Variants in DNAAF10 observed in about 807,000 individuals in gnomAD.
DNAAF10 encodes dynein axonemal assembly factor 10.
A neutral mutation model predicts 43.7 loss-of-function variants in DNAAF10; 28 were observed. The ratio of observed to expected loss-of-function variants is 0.64; its 90% CI spans 0.48 to 0.88. The LOEUF (loss-of-function observed/expected upper bound fraction) is 0.88, where lower values mean the gene tolerates loss of function less well. DNAAF10 is among the 40% of genes least tolerant of loss of function. The pLI, the probability that DNAAF10 is intolerant of heterozygous loss-of-function variation, is 0.00. For missense variants in DNAAF10, 403 were observed against 439.1 expected, an observed-to-expected ratio of 0.92 and a Z score of 0.73; for synonymous variants, 156 against 157.3, an observed-to-expected ratio of 0.99 and a Z score of 0.06.
rs568494091 is a variant in DNAAF10, at chr2:68,151,868, T to C, written c.184-4301A>G. On this transcript the variant is annotated intron_variant, in intron 1 of 7. Coordinates refer to ENST00000295121, the MANE Select transcript of DNAAF10 (RefSeq NM_138458.4). ...ATCCCTTTTCTAATATATACAACAC[T>C]GCAAACTAAGTGTTCAGAACACCAC... 2.0e-5 allele frequency among the ~76,000 whole-genome samples: 3 copies of C among 152,310 alleles called. No individual in the cohort carries two copies. The South Asian group carries it at 6.2e-4, about 32-fold the overall frequency.
intron 4 of DNAAF10, among the ~76,000 whole-genome samples, chr2:68,141,414 A>G (rs531408701): frequency 7.2e-5 from 11 of 152,352 alleles, no homozygotes; most frequent in African/African-American, 2.6e-4. Flanking sequence ...TCATGACAAC[A>G]CAACTAAGTA....
chr2:68,137,441 C>A lies in DNAAF10; in HGVS notation c.634-8G>T. 6.2e-7 allele frequency: 1 copy of A among 1,605,040 alleles called. No homozygotes were observed. The highest frequency in any genetic ancestry group is 1.1e-5 in the South Asian group (1 of 89,440). On this transcript the variant is annotated splice_region_variant and splice_polypyrimidine_tract_variant and intron_variant, in intron 5 of 7. Coordinates refer to ENST00000295121, the MANE Select transcript of DNAAF10 (RefSeq NM_138458.4). ...AAACTCCAAGCTACACACCTGAAAA[C>A]AGAGAATACTTATTATTGGTAGTCT...
At chr2:68,138,147 C>A (rs1033784686) in intron 5 of DNAAF10, among the ~76,000 whole-genome samples, 14 of 152,118 alleles carry the variant, frequency 9.2e-5, no homozygotes, top group Non-Finnish European at 1.8e-4. Context: ...TGCACTCCAG[C>A]CTGGGCGACA....
At chr2:68,147,750 C>T (rs556248610) in intron 1 of DNAAF10, among the ~76,000 whole-genome samples, 183 bp from the exon 2 acceptor site, 35 of 152,214 alleles carry the variant, frequency 2.3e-4, no homozygotes, top group African/African-American at 8.2e-4. Flanking sequence ...AAATATGTAA[C>T]TGTCAAAAAG....
At chr2:68,156,806 T>C (rs1464861429) in intron 1 of DNAAF10, 1 of 179,094 alleles carries the variant, frequency 5.6e-6, no homozygotes, top group Non-Finnish European at 1.2e-5. Context: ...CATTGAACCG[T>C]AACCGTGTTC....
chr2:68,153,542 C>A (rs970876147), intron 1 of DNAAF10, among the ~76,000 whole-genome samples: 1 of 151,772 alleles, frequency 6.6e-6, no homozygotes, highest in Admixed American at 6.6e-5. Flanking sequence ...AAACCTTACT[C>A]CAGATGCAAC....
intron 6 of DNAAF10, 115 bp from the exon 7 acceptor site, chr2:68,134,914 A>G: frequency 8.4e-7 from 1 of 1,196,518 alleles, no homozygotes; most frequent in Admixed American, 2.5e-5. Context: ...AAAAGTAATT[A>G]AGGTTATTTT....
intron 2 of DNAAF10, among the ~76,000 whole-genome samples, chr2:68,145,594 CACTGAAGTCCA>C (rs1673298027): frequency 6.6e-6 from 1 of 152,126 alleles, no homozygotes; most frequent in African/African-American, 2.4e-5. Flanking sequence ...ACTATTTTCC[CACTGAAGTCCA>C]CACTGATTTT....
intron 1 of DNAAF10, among the ~76,000 whole-genome samples, chr2:68,155,925 C>T (rs1021488609): frequency 6.6e-6 from 1 of 151,782 alleles, no homozygotes. Flanking sequence ...GGTGAAACCC[C>T]ATCTCTACCA....
chr2:68,139,803 CAA>C (rs769593748), intron 4 of DNAAF10, among the ~76,000 whole-genome samples: 10 of 118,290 alleles, frequency 8.5e-5, no homozygotes, highest in Admixed American at 1.8e-4. Flanking sequence ...GACTCTGTCT[CAA>C]AAAAAAAAAA....
rs778146161 is a variant in DNAAF10 at position 68,131,320 on chromosome 2, G to A, written c.992C>T (p.Pro331Leu). 1 of 1,614,050 alleles carries A rather than the reference G, an allele frequency of 6.2e-7. No homozygotes were observed. Among genetic ancestry groups the A allele is most frequent in the Non-Finnish European group, 8.5e-7 (1 of 1,180,020 alleles). The change falls in exon 8 of 8, where the codon CCA (proline) becomes CTA (leucine). Residue 331 changes from proline to leucine, a missense_variant. Physicochemically the swap from Pro to Leu is moderately conservative, Grantham distance 98. Coordinates refer to ENST00000295121, the MANE Select transcript of DNAAF10 (RefSeq NM_138458.4). ...TQPISSLDWS[P>L]DKRGLCVCSS... ...ACAGACGCAGAGACCCCTTTTATCT[G>A]GACTCCAATCCAAACTTGAAATGGG... is the stretch of plus-strand genomic sequence containing the variant.
At chr2:68,155,082 T>A (rs990089466) in intron 1 of DNAAF10, among the ~76,000 whole-genome samples, 1 of 151,960 alleles carries the variant, frequency 6.6e-6, no homozygotes, top group African/African-American at 2.4e-5. Context: ...TGTTCTTATT[T>A]TAAAAAGTCA....
chr2:68,133,677 T>C lies in DNAAF10; in HGVS notation c.866+1025A>G, dbSNP rs370940043. 4.5e-4 allele frequency among the ~76,000 whole-genome samples: 68 copies of C among 152,162 alleles called. 2 individuals are homozygous for C. The East Asian group carries it at 7.6e-3, about 17-fold the overall frequency. The stretch of plus-strand genomic sequence containing the variant: ...CTGAGGCAGGAGAACCCCTTGAACC[T>C]GGAGGTGGAGTCTGCGGTGAGACGA... On this transcript the variant is annotated intron_variant, in intron 7 of 7. Coordinates refer to ENST00000295121, the MANE Select transcript of DNAAF10 (RefSeq NM_138458.4).
chr2:68,138,756 T>C lies in DNAAF10; in HGVS notation c.619A>G (p.Asn207Asp). The stretch of plus-strand genomic sequence containing the variant: ...ATGTACTTTACCCCATTTTTGATGT[T>C]TGTCTCCCACCGTAATGCCATATTT... ...LRNMALRWET[N>D]IKNGVCSLEF... The change falls in exon 5 of 8, where the codon AAC becomes GAC. Residue 207 changes from asparagine (N) to aspartate (D), a missense_variant. Transcript: ENST00000295121. 2 of 1,613,460 alleles carry C rather than the reference T, an allele frequency of 1.2e-6. No individual in the cohort carries two copies. The highest frequency in any genetic ancestry group is 1.7e-6 in the Non-Finnish European group (2 of 1,179,394).
chr2:68,136,431 T>G (rs1186922729), intron 6 of DNAAF10, among the ~76,000 whole-genome samples: 2 of 152,124 alleles, frequency 1.3e-5, no homozygotes, highest in East Asian at 3.8e-4. Flanking sequence ...TTGGTTTTCA[T>G]AAGGAAGTGA....
chr2:68,142,719 A>C (rs1673218290), intron 3 of DNAAF10, among the ~76,000 whole-genome samples: 1 of 152,144 alleles, frequency 6.6e-6, no homozygotes, highest in African/African-American at 2.4e-5. Context: ...ACCTACAAAA[A>C]ATGCAAATGC....
At chr2:68,145,236 A>C (rs1337165835) in intron 2 of DNAAF10, among the ~76,000 whole-genome samples, 1 of 151,882 alleles carries the variant, frequency 6.6e-6, no homozygotes, top group African/African-American at 2.4e-5. Context: ...AAAAAAAGAA[A>C]GAAAAGGAAA....
Position 68,130,974 on chromosome 2 carries a change from G to A in DNAAF10, c.*264C>T. 3.6e-6 allele frequency: 1 copy of A among 278,276 alleles called. No individual in the cohort carries two copies. The highest frequency in any genetic ancestry group is 6.9e-6 in the Non-Finnish European group (1 of 144,060). 17.2% of individuals were successfully genotyped at this position (278,276 alleles called of 1,614,324 possible). On this transcript the variant is annotated 3_prime_UTR_variant, in exon 8 of 8. Coordinates refer to ENST00000295121, the MANE Select transcript of DNAAF10 (RefSeq NM_138458.4). ...TCAGTTGCCCAGGCTGGAGTGCAGTGGCACAATCTCGGCTCACTGCAACCT... is the reference window on the plus strand; with the variant it reads ...TCAGTTGCCCAGGCTGGAGTGCAGTAGCACAATCTCGGCTCACTGCAACCT...
intron 1 of DNAAF10, among the ~76,000 whole-genome samples, chr2:68,152,266 G>C (rs565307762): frequency 6.6e-6 from 1 of 152,076 alleles, no homozygotes; most frequent in Admixed American, 6.6e-5. Context: ...GGTCATTAGT[G>C]GTCTGCTGTG....
Sources: allele counts gnomAD v4.1 joint callset (sites outside exome capture counted in the v4.1 genomes callset), GRCh38; gene constraint gnomAD v4.1.1; transcripts MANE v1.5; gene names NCBI Gene and HGNC (gene_info 2026-07-23, HGNC 2026-07-21).